The following MACROD1 variants were observed in gnomAD, a reference collection of about 807,000 sequenced individuals.
MACROD1 encodes the protein mono-ADP ribosylhydrolase 1, also known as ADP-ribose glycohydrolase MACROD1.
In MACROD1, 31 loss-of-function variants were observed where a neutral mutation model predicts 41.4. The observed-to-expected ratio is 0.75, with a 90% confidence interval of 0.56 to 1.01. The LOEUF (loss-of-function observed/expected upper bound fraction) is 1.01. Ranked by LOEUF, MACROD1 falls within the 50% of genes least tolerant of loss-of-function variation. The pLI is 0.00. For missense variants in MACROD1, 473 were observed against 460.0 expected (o/e 1.03, Z -0.26); for synonymous variants, 252 against 203.4 (o/e 1.24, Z -2.03).
chr11:64,109,052 G>A (rs1290055768), intron 3 of MACROD1, among the ~76,000 whole-genome samples: 3 of 152,172 alleles, frequency 2.0e-5, no homozygotes, highest in Non-Finnish European at 4.4e-5. Context: ...TTTACATGCA[G>A]GACACTTCCT....
chr11:64,124,350 T>TGCC (rs984317421), intron 3 of MACROD1, among the ~76,000 whole-genome samples: 1 of 152,228 alleles, frequency 6.6e-6, no homozygotes, highest in Admixed American at 6.5e-5. Context: ...CTGCTGCTGC[T>TGCC]GCCACTGTAT....
chr11:64,128,294 A>G lies in MACROD1; in HGVS notation c.517+22945T>C, dbSNP rs1224312626. ...GTGCCCACTCCCTCACCTGAGACCC[A>G]TTCTCTGGGGCTGTCGAGGGCTCTT... On this transcript the variant is annotated intron_variant, in intron 3 of 10. Coordinates refer to ENST00000255681, the MANE Select transcript of MACROD1 (RefSeq NM_014067.4). Among the ~76,000 whole-genome samples the G allele has an allele frequency of 5.3e-5, 8 of 152,260 alleles. No individual in the cohort carries two copies. In the South Asian group the frequency reaches 1.4e-3, roughly 28 times the overall value.
intron 3 of MACROD1, among the ~76,000 whole-genome samples, chr11:64,040,560 C>T (rs912860988): frequency 5.9e-5 from 9 of 152,224 alleles, no homozygotes; most frequent in African/African-American, 2.2e-4. Context: ...GAGTGGGCTT[C>T]CTAGGCCCGG....
At chr11:64,145,027 C>G (rs2134688959) in intron 3 of MACROD1, among the ~76,000 whole-genome samples, 1 of 152,298 alleles carries the variant, frequency 6.6e-6, no homozygotes, top group East Asian at 1.9e-4. Context: ...TCCTTCTCAC[C>G]AGGCCAGGCT....
chr11:64,152,807 C>T (rs569570054), intron 1 of MACROD1, among the ~76,000 whole-genome samples: 31 of 152,262 alleles, frequency 2.0e-4, no homozygotes, highest in African/African-American at 4.8e-5. Flanking sequence ...ACTCAGCCAG[C>T]GACATTATCC....
chr11:64,143,743 G>GAC lies in MACROD1; in HGVS notation c.517+7494_517+7495dup, dbSNP rs1355483787. On this transcript the variant is annotated intron_variant, in intron 3 of 10. Coordinates refer to ENST00000255681, the MANE Select transcript of MACROD1 (RefSeq NM_014067.4). ...GGAGGTATTCCCTTCCCCCAACCCC[G>GAC]ACACACACATACACACACACACACA... 2.9e-3 allele frequency among the ~76,000 whole-genome samples: 206 copies of GAC among 71,466 alleles called. 1 individual carries two copies. The highest frequency in any genetic ancestry group is 0.014 in the African/African-American group (159 of 11,240). 46.9% of individuals were successfully genotyped at this position (71,466 alleles called of 152,430 possible).
rs1463209361 is a variant in MACROD1, at chr11:64,096,415, C to T, written c.517+54824G>A. Among the ~76,000 whole-genome samples the T allele has an allele frequency of 6.6e-6, 1 of 151,798 alleles. No individual in the cohort carries two copies. Among genetic ancestry groups the T allele is most frequent in the African/African-American group, 2.4e-5 (1 of 41,340 alleles). On this transcript the variant is annotated intron_variant, in intron 3 of 10. Transcript: ENST00000255681. This position sits in a 1 kb window ranked among gnomAD's most constrained non-coding sequence, Gnocchi z 4.6. The stretch of plus-strand genomic sequence containing the variant: ...GGCAGGCAAGTGGTCGTTCCTGTCC[C>T]CTCTTTTTTTTTTTTGAGACTGAGT...
At chr11:64,035,563 TC>T (rs1943357419) in intron 3 of MACROD1, among the ~76,000 whole-genome samples, 1 of 111,662 alleles carries the variant, frequency 9.0e-6, no homozygotes, top group African/African-American at 3.5e-5. Flanking sequence ...AGGGGTCGGC[TC>T]CCCCACCCGC....
chr11:64,123,479 G>A (rs903436541), intron 3 of MACROD1, among the ~76,000 whole-genome samples: 15 of 143,944 alleles, frequency 1.0e-4, no homozygotes, highest in Admixed American at 9.4e-4. Flanking sequence ...CGTGGTTTAT[G>A]AACCTGCCCC....
chr11:64,104,416 C>T (rs996084828), intron 3 of MACROD1, among the ~76,000 whole-genome samples: 11 of 152,168 alleles, frequency 7.2e-5, no homozygotes, highest in African/African-American at 2.2e-4. Flanking sequence ...TGGTGGTCCC[C>T]GTGCTGCTGG....
chr11:64,019,770 T>C (rs538476058), intron 3 of MACROD1, among the ~76,000 whole-genome samples: 1 of 152,160 alleles, frequency 6.6e-6, no homozygotes, highest in East Asian at 1.9e-4. Context: ...CCGGGCGTGC[T>C]AAATGCTGTG....
chr11:64,017,338 C>T (rs1356265955), intron 3 of MACROD1, among the ~76,000 whole-genome samples: 1 of 151,966 alleles, frequency 6.6e-6, no homozygotes, highest in East Asian at 1.9e-4. Context: ...CACAGATGGG[C>T]CCATTTATTA....
chr11:64,153,476 A>G (rs1945616821), intron 1 of MACROD1, among the ~76,000 whole-genome samples: 1 of 152,048 alleles, frequency 6.6e-6, no homozygotes, highest in Non-Finnish European at 1.5e-5. Context: ...GGGGACAGGT[A>G]GGTCCCTCCA....
chr11:64,060,071 G>C (rs1327571750), intron 3 of MACROD1, among the ~76,000 whole-genome samples: 6 of 152,232 alleles, frequency 3.9e-5, no homozygotes. Flanking sequence ...GCAACTAACA[G>C]ACCAATTAAG....
At chr11:64,140,796 G>A (rs1169912568) in intron 3 of MACROD1, among the ~76,000 whole-genome samples, 4 of 152,180 alleles carry the variant, frequency 2.6e-5, no homozygotes, top group African/African-American at 9.7e-5. Flanking sequence ...GCTGGTACAC[G>A]GTGAAGCCAG....
At chr11:64,118,197 A>G (rs1327111222) in intron 3 of MACROD1, 1 of 1,613,156 alleles carries the variant, frequency 6.2e-7, no homozygotes, top group South Asian at 1.1e-5. Flanking sequence ...CTCCAACGGC[A>G]GCAGCCTCTG....
rs751215093 is a variant in MACROD1 at position 64,116,352 on chromosome 11, A to G, written c.517+34887T>C. 1.9e-6 allele frequency: 3 copies of G among 1,612,874 alleles called. No homozygotes were observed. The Admixed American group carries it at 5.0e-5, about 27-fold the overall frequency. On this transcript the variant is annotated intron_variant, in intron 3 of 10. Transcript: ENST00000255681. Reference sequence around the variant, plus strand: ...CACCGTTGTGATGACCACGGCCACCATGGACCTGCGGGACTGGCTGTTCCT... The same window carrying G: ...CACCGTTGTGATGACCACGGCCACCGTGGACCTGCGGGACTGGCTGTTCCT...
intron 3 of MACROD1, among the ~76,000 whole-genome samples, chr11:64,042,231 CCCTGAGCCAG>C (rs1943501673): frequency 6.6e-6 from 1 of 152,216 alleles, no homozygotes; most frequent in East Asian, 1.9e-4. Flanking sequence ...CTCCTGTCTT[CCCTGAGCCAG>C]CCTGAGCCAG....
At position 64,090,330 on chromosome 11, in the gene MACROD1, C is replaced by A. The variant is rs965545123; in HGVS notation, c.517+60909G>T. ...AATAGTCAGCAGTTATTTATCGTCT[C>A]GTTTCTTAGTGGGTAGGAAAGCCAC... On this transcript the variant is annotated intron_variant, in intron 3 of 10. Coordinates refer to ENST00000255681, the MANE Select transcript of MACROD1 (RefSeq NM_014067.4). This position sits in a 1 kb window ranked among gnomAD's most constrained non-coding sequence, Gnocchi z 4.7. Among the ~76,000 whole-genome samples, 2 of 152,224 alleles carry A rather than the reference C, an allele frequency of 1.3e-5. No homozygotes were observed. The highest frequency in any genetic ancestry group is 4.1e-4 in the South Asian group (2 of 4,830).
Sources: gnomAD v4.1 joint callset for allele counts (sites outside exome capture counted in the v4.1 genomes callset) on GRCh38, gnomAD v4.1.1 for gene constraint, Gnocchi (gnomAD v3.1) non-coding constraint, MANE v1.5 for transcripts, NCBI Gene and HGNC (gene_info 2026-07-23, HGNC 2026-07-21) for gene names.